ZNF518A: variants seen among roughly 807,000 people sequenced by gnomAD.
The protein encoded by ZNF518A is zinc finger protein 518.
Under a neutral mutation model 102.7 loss-of-function variants are expected in ZNF518A, and 47 were observed. The observed-to-expected ratio is 0.46, with a 90% CI of 0.36 to 0.58. The LOEUF is 0.58. ZNF518A is among the 20% of genes least tolerant of loss of function. The pLI is 0.00. For missense variants in ZNF518A, 1,793 were observed against 1,699.8 expected (o/e 1.05, Z -0.96); for synonymous variants, 652 against 594.6 (o/e 1.10, Z -1.40).
At chr10:96,203,970 A>G in exon 3 of ZNF518A, 1 of 1,093,868 alleles carries the variant, frequency 9.1e-7, no homozygotes, top group African/African-American at 1.5e-5. Context: ...TGGAAGCGAC[A>G]GTGCTGTGTT....
rs1209922430 is a variant in ZNF518A, at chr10:96,200,344, A to AT, written n.36-3221dup. 4.2e-4 allele frequency among the ~76,000 whole-genome samples: 63 copies of AT among 151,080 alleles called. No individual in the cohort carries two copies. Among genetic ancestry groups the AT allele is most frequent in the Admixed American group, 3.5e-3 (53 of 15,154 alleles). Reference sequence around the variant, plus strand: ...ATTATACCGTTAACTTGTTTTTTGTATTTTTTTTTCATTTGGCCTTAGCTA... The same window carrying AT: ...ATTATACCGTTAACTTGTTTTTTGTATTTTTTTTTTCATTTGGCCTTAGCTA... On this transcript the variant is annotated intron_variant and non_coding_transcript_variant, in intron 1 of 2. Coordinates refer to the ZNF518A transcript ENST00000442635. This position sits in a 1 kb window ranked among gnomAD's most constrained non-coding sequence, Gnocchi z 4.3.
intron 3 of ZNF518A, among the ~76,000 whole-genome samples, chr10:96,147,046 C>T (rs1554878739): frequency 6.6e-6 from 1 of 152,182 alleles, no homozygotes; most frequent in East Asian, 1.9e-4. Flanking sequence ...GAGAATCTGG[C>T]AGGCTCAGAG....
chr10:96,176,800 C>T (rs111550012), intron 1 of ZNF518A, among the ~76,000 whole-genome samples: 12,329 of 152,026 alleles, frequency 0.081, 991 homozygotes, highest in African/African-American at 0.21. Flanking sequence ...GGAGGGCTGA[C>T]GCAGGAGAAT....
chr10:96,133,326 TTA>T (rs1280397771), intron 2 of ZNF518A, among the ~76,000 whole-genome samples: 1 of 152,134 alleles, frequency 6.6e-6, no homozygotes, highest in Non-Finnish European at 1.5e-5. Context: ...TGATATGTGT[TTA>T]TATTATGACT....
intron 1 of ZNF518A, 100 bp downstream of exon 1, chr10:96,130,852 A>G (rs782088518): frequency 1.3e-4 from 20 of 152,368 alleles, no homozygotes; most frequent in African/African-American, 4.8e-4. Context: ...TATTCGTTAC[A>G]TGGTGTCCTC....
At chr10:96,203,136 T>C (rs1554896638) in intron 1 of ZNF518A, among the ~76,000 whole-genome samples, 2 of 152,256 alleles carry the variant, frequency 1.3e-5, no homozygotes, top group Admixed American at 6.5e-5. Flanking sequence ...TTGTATCTCC[T>C]GTGCCTAGAA....
downstream of ZNF518A, among the ~76,000 whole-genome samples, chr10:96,167,240 C>T (rs1264794087): frequency 1.3e-5 from 2 of 152,068 alleles, no homozygotes; most frequent in Admixed American, 1.3e-4. Context: ...GTGGGTGGAT[C>T]ACTTGAGGCC....
intron 1 of ZNF518A, among the ~76,000 whole-genome samples, chr10:96,201,738 G>GCATT (rs59428057): frequency 0.58 from 80,517 of 138,430 alleles, 23,317 homozygotes; most frequent in Middle Eastern, 0.69. Context: ...AGACTTATCT[G>GCATT]CATTCATTCA....
upstream of ZNF518A, chr10:96,130,121 A>G (rs1444188254): frequency 6.5e-6 from 1 of 152,682 alleles, no homozygotes; most frequent in Non-Finnish European, 1.5e-5. Flanking sequence ...TACGACAGGT[A>G]TTCCCCGTCA....
chr10:96,171,552 G>A (rs782532222), intron 1 of ZNF518A, among the ~76,000 whole-genome samples: 8 of 152,144 alleles, frequency 5.3e-5, no homozygotes, highest in Non-Finnish European at 1.0e-4. Context: ...AGAGGGGACT[G>A]CTAAAGGACA....
chr10:96,160,963 C>T lies in ZNF518A; in HGVS notation c.*189C>T. The T allele has an allele frequency of 1.8e-6, 1 of 564,154 alleles. No homozygotes were observed. The highest frequency in any genetic ancestry group is 2.8e-6 in the Non-Finnish European group (1 of 352,866). 34.9% of individuals were successfully genotyped at this position (564,154 alleles called of 1,614,324 possible). On this transcript the variant is annotated 3_prime_UTR_variant, in exon 6 of 6. Coordinates refer to ENST00000316045, the MANE Select transcript of ZNF518A (RefSeq NM_001330736.2). ...TATTTGAAAATGCTATCCCTGCACT[C>T]AAAAGTTTTGAAAGAAACTAATCAC...
At chr10:96,204,228 A>G (rs116848533), downstream of ZNF518A, 476 of 958,432 alleles carry the variant, frequency 5.0e-4, no homozygotes, top group Non-Finnish European at 6.6e-4. Context: ...ATCTAAAGAT[A>G]AAAGAGCCAC....
Position 96,158,759 on chromosome 10 carries a change from T to C in ZNF518A, c.2437T>C (p.Cys813Arg). 8 of 1,613,436 alleles carry C rather than the reference T, an allele frequency of 5.0e-6. No homozygotes were observed. Among genetic ancestry groups the C allele is most frequent in the Non-Finnish European group, 6.8e-6 (8 of 1,179,556 alleles). The change falls in exon 6 of 6, where the codon TGT becomes CGT. Residue 813 changes from cysteine (C) to arginine (R), a missense_variant. Around this residue, in one of 3 missense-constraint regions of ZNF518A, gnomAD observed 1,741 missense variants for 1,622.6 expected, o/e 1.07. Transcript: ENST00000316045. ...NTPNKGLPLH[C>R]DQSFQKHERE... ...TCCAAATAAAGGCTTGCCACTTCAT[T>C]GTGACCAGTCATTTCAAAAACACGA...
chr10:96,160,888 T>C lies in ZNF518A; in HGVS notation c.*114T>C. 15 of 1,113,594 alleles carry C rather than the reference T, an allele frequency of 1.3e-5. No individual in the cohort carries two copies. The highest frequency in any genetic ancestry group is 1.7e-5 in the Non-Finnish European group (14 of 829,936). The allele number at this position is 1,113,594 out of a possible 1,614,324, so 69.0% of individuals were successfully genotyped here. A position where few individuals can be genotyped will look rare whatever the true frequency, so the allele number is the denominator to read the frequency against. On this transcript the variant is annotated 3_prime_UTR_variant, in exon 6 of 6. Coordinates refer to ENST00000316045, the MANE Select transcript of ZNF518A (RefSeq NM_001330736.2). The stretch of plus-strand genomic sequence containing the variant: ...TCAGTATAGTACCTGAAATCGAACA[T>C]TTTAAAAGTTGATTGTATTTCTGTG...
At chr10:96,184,825 T>C (rs1440244780) in intron 1 of ZNF518A, among the ~76,000 whole-genome samples, 1 of 152,176 alleles carries the variant, frequency 6.6e-6, no homozygotes, top group Non-Finnish European at 1.5e-5. Context: ...ATTCTGTGTA[T>C]TTCCTGAATT....
In ZNF518A at chr10:96,156,763, A is replaced by G. The variant is rs1259866388; in HGVS notation, c.441A>G (p.Leu147=). Residue 147 remains leucine, a synonymous_variant, in exon 6 of 6, where the codon TTA becomes TTG. Coordinates refer to ENST00000316045, the MANE Select transcript of ZNF518A (RefSeq NM_001330736.2). The stretch of plus-strand genomic sequence containing the variant: ...TTCAAATGTGGCACCATGGCGAATT[A>G]CCTTCATATCCTTGTGAAATGTGCA... ...KHFQMWHHGE[L]PSYPCEMCNF... 7 of 1,613,850 alleles carry G rather than the reference A, an allele frequency of 4.3e-6. No homozygotes were observed. Among genetic ancestry groups the G allele is most frequent in the Non-Finnish European group, 5.9e-6 (7 of 1,179,836 alleles).
At chr10:96,203,809 G>T in intron 2 of ZNF518A, 1 of 347,766 alleles carries the variant, frequency 2.9e-6, no homozygotes. Context: ...AAAAAAGGAT[G>T]CATGATCAGT....
chr10:96,155,730 G>A (rs1419138451), intron 4 of ZNF518A, 194 bp from the exon 5 acceptor site: 3 of 152,180 alleles, frequency 2.0e-5, no homozygotes, highest in Non-Finnish European at 4.4e-5. Flanking sequence ...AGTCTGTTGG[G>A]ATTCTCACAG....
At chr10:96,144,600 C>CTTGCAAAGGTTAAA (rs1226437000) in intron 3 of ZNF518A, among the ~76,000 whole-genome samples, 1 of 152,080 alleles carries the variant, frequency 6.6e-6, no homozygotes, top group African/African-American at 2.4e-5. Context: ...CATAGAAGAA[C>CTTGCAAAGGTTAAA]TTGCAAAGGT....
Sources: allele counts gnomAD v4.1 joint callset (sites outside exome capture counted in the v4.1 genomes callset), GRCh38; gene constraint gnomAD v4.1.1; regional missense constraint gnomAD v4.1.1; non-coding constraint Gnocchi (gnomAD v3.1); transcripts MANE v1.5; gene names NCBI Gene and HGNC (gene_info 2026-07-23, HGNC 2026-07-21).